Variants in PABPC4 observed in about 807,000 individuals in gnomAD.
PABPC4 encodes polyadenylate-binding protein 4.
In PABPC4, 15 loss-of-function variants were observed where a neutral mutation model predicts 74.5. The ratio of observed to expected loss-of-function variants is 0.20; its 90% CI spans 0.13 to 0.31. PABPC4 has a LOEUF of 0.31. PABPC4 is among the 10% of genes least tolerant of loss of function. The pLI is 1.00. For missense variants in PABPC4, 610 were observed against 853.5 expected (o/e 0.71, Z 3.55); for synonymous variants, 345 against 303.0 (o/e 1.14, Z -1.44).
intron 6 of PABPC4, 76 bp from the exon 7 acceptor site, chr1:39,567,922 G>C: frequency 1.2e-6 from 1 of 802,944 alleles, no homozygotes; most frequent in South Asian, 1.6e-5. Flanking sequence ...CCCAAGGGTG[G>C]CCCCAGACCA....
At position 39,564,536 on chromosome 1, in the gene PABPC4, T is replaced by G; in HGVS notation, c.1340A>C (p.Gln447Pro). The change falls in exon 10 of 16, where the codon CAA becomes CCA. Residue 447 changes from glutamine to proline, a missense_variant. Around this residue, in one of 4 missense-constraint regions of PABPC4, gnomAD observed 277 missense variants for 301.8 expected, o/e 0.92. Transcript: ENST00000372858. ...CTGGCGTATAGCACTTGGCATTCCT[T>G]GGAAGCCTGGTGAAGAGAAAAATTG... ...WQQGGRPQGF[Q>P]GMPSAIRQSG... 1 of 1,614,142 alleles carries G rather than the reference T, an allele frequency of 6.2e-7. No individual in the cohort carries two copies. The highest frequency in any genetic ancestry group is 8.5e-7 in the Non-Finnish European group (1 of 1,179,984).
chr1:39,563,511 A>G (rs1400534119), intron 12 of PABPC4, 103 bp downstream of exon 12: 2 of 1,377,144 alleles, frequency 1.5e-6, no homozygotes, highest in Non-Finnish European at 2.0e-6. Flanking sequence ...CATAACACAG[A>G]GCAGGCATTT....
Position 39,563,698 on chromosome 1 carries a change from A to C in PABPC4, c.1584T>G (p.Val528=), listed in dbSNP as rs758267716. 6.2e-7 allele frequency: 1 copy of C among 1,614,168 alleles called. No homozygotes were observed. Among genetic ancestry groups the C allele is most frequent in the African/African-American group, 1.3e-5 (1 of 74,958 alleles). The change falls in exon 12 of 16, where the codon GTT becomes GTG. Residue 528 remains valine (V), a synonymous_variant. Coordinates refer to ENST00000372858, the MANE Select transcript of PABPC4 (RefSeq NM_001135653.2). ...AVQNLAPRAA[V]AAAAPRAVAP... is the part of the protein sequence containing the mutation. The stretch of plus-strand genomic sequence containing the variant: ...CAACAGCCCGGGGAGCAGCAGCAGC[A>C]ACAGCAGCGCGTGGCGCTAAGTTCT...
chr1:39,568,667 A>C, intron 6 of PABPC4, 135 bp downstream of exon 6: 1 of 795,708 alleles, frequency 1.3e-6, no homozygotes, highest in Non-Finnish European at 2.1e-6. Flanking sequence ...TATCCTTTTA[A>C]ACCTCATCTT....
Position 39,562,425 on chromosome 1 carries a change from C to G in PABPC4, c.1669-9G>C. ...ACCGCAGGCTGGGGTGCCTGGGAACCAGGAAAGGCAGTGGGTTAGCACTGA... is the reference window on the plus strand; with the variant it reads ...ACCGCAGGCTGGGGTGCCTGGGAACGAGGAAAGGCAGTGGGTTAGCACTGA... On this transcript the variant is annotated splice_polypyrimidine_tract_variant and intron_variant, in intron 12 of 15. Coordinates refer to ENST00000372858, the MANE Select transcript of PABPC4 (RefSeq NM_001135653.2). 22 of 1,609,556 alleles carry G rather than the reference C, an allele frequency of 1.4e-5. No homozygotes were observed. Among genetic ancestry groups the G allele is most frequent in the Non-Finnish European group, 1.9e-5 (22 of 1,176,706 alleles).
intron 11 of PABPC4, 42 bp downstream of exon 11, chr1:39,563,794 T>A (rs775931659): frequency 1.2e-6 from 2 of 1,613,904 alleles, no homozygotes; most frequent in Non-Finnish European, 1.7e-6. Context: ...CAAAGACCCG[T>A]CAAATCCCAT....
chr1:39,561,448 G>A, intron 15 of PABPC4: 1 of 498,836 alleles, frequency 2.0e-6, no homozygotes, highest in Non-Finnish European at 3.7e-6. Flanking sequence ...TTCCCTATCT[G>A]GAGACACCTA....
At position 39,571,286 on chromosome 1, in the gene PABPC4, C is replaced by A. The variant is rs749695971; in HGVS notation, c.451G>T (p.Ala151Ser). ...TTCATCTTCTCGATGGCCTTGTCGGCAGCCTCTTGGGTCTCGAAGTGGACA... is the reference window on the plus strand; with the variant it reads ...TTCATCTTCTCGATGGCCTTGTCGGAAGCCTCTTGGGTCTCGAAGTGGACA... ...AFVHFETQEA[A>S]DKAIEKMNGM... The change falls in exon 3 of 16, where the codon GCC (alanine) becomes TCC (serine). Residue 151 changes from alanine to serine, a missense_variant. Ala to Ser is a moderately conservative substitution (Grantham distance 99). Coordinates refer to ENST00000372858, the MANE Select transcript of PABPC4 (RefSeq NM_001135653.2). 1 of 1,614,228 alleles carries A rather than the reference C, an allele frequency of 6.2e-7. No homozygotes were observed. Among genetic ancestry groups the A allele is most frequent in the South Asian group, 1.1e-5 (1 of 91,086 alleles).
chr1:39,566,800 C>T (rs900737297), intron 7 of PABPC4, among the ~76,000 whole-genome samples: 2 of 152,134 alleles, frequency 1.3e-5, no homozygotes, highest in Non-Finnish European at 2.9e-5. Context: ...AAGATCACTC[C>T]TTACACTGAT....
Position 39,562,412 on chromosome 1 carries a change from G to A in PABPC4, c.1673C>T (p.Pro558Leu), listed in dbSNP as rs1240644732. 1.2e-6 allele frequency: 2 copies of A among 1,612,946 alleles called. No individual in the cohort carries two copies. The highest frequency in any genetic ancestry group is 1.7e-6 in the Non-Finnish European group (2 of 1,179,544). The change falls in exon 13 of 16, where the codon CCC becomes CTC. Residue 558 changes from proline to leucine, a missense_variant. Around this residue, in one of 4 missense-constraint regions of PABPC4, gnomAD observed 277 missense variants for 301.8 expected, o/e 0.92. Transcript: ENST00000372858. ...CCCCTGCACATGGACCGCAGGCTGG[G>A]GTGCCTGGGAACCAGGAAAGGCAGT... ...PHPAIQPLQA[P>L]QPAVHVQGQE...
chr1:39,573,896 T>A (rs945705065), intron 1 of PABPC4, among the ~76,000 whole-genome samples: 1 of 152,122 alleles, frequency 6.6e-6, no homozygotes, highest in Non-Finnish European at 1.5e-5. Context: ...TCATCACTAA[T>A]CGCAACAAGG....
At chr1:39,562,827 G>C (rs1332696525) in intron 12 of PABPC4, 2 of 161,764 alleles carry the variant, frequency 1.2e-5, no homozygotes, top group African/African-American at 4.8e-5. Context: ...TCTCAGTGCA[G>C]ATTGGATCAA....
chr1:39,561,989 T>A, intron 14 of PABPC4, 84 bp downstream of exon 14: 3 of 1,497,118 alleles, frequency 2.0e-6, no homozygotes, highest in Non-Finnish European at 2.7e-6. Context: ...CAGATCCCAC[T>A]TTCTGCTGCA....
chr1:39,563,641 G>T lies in PABPC4; in HGVS notation c.1641C>A (p.Ser547Arg). Residue 547 changes from serine (S) to arginine (R), a missense_variant, in exon 12 of 16, where the codon AGC (serine) becomes AGA (arginine). This residue lies in a region of PABPC4 where 277 missense variants were observed against 301.8 expected (regional missense o/e 0.92). Coordinates refer to ENST00000372858, the MANE Select transcript of PABPC4 (RefSeq NM_001135653.2). The stretch of plus-strand genomic sequence containing the variant: ...GCAGAGGCTGTATGGCAGGATGAGG[G>T]CTGCGGACACTGGAGGCGTATTTGT... Reference protein sequence around the residue: ...APYKYASSVRSPHPAIQPLQA... With the variant: ...APYKYASSVRRPHPAIQPLQA... 1 of 1,614,206 alleles carries T rather than the reference G, an allele frequency of 6.2e-7. No homozygotes were observed. The highest frequency in any genetic ancestry group is 1.1e-5 in the South Asian group (1 of 91,086).
At chr1:39,571,472 C>G in intron 2 of PABPC4, 123 bp from the exon 3 acceptor site, 1 of 1,127,132 alleles carries the variant, frequency 8.9e-7, no homozygotes, top group Non-Finnish European at 1.3e-6. Context: ...TCAAGTACAC[C>G]AGTATAATTT....
At chr1:39,574,219 A>G (rs539957985) in intron 1 of PABPC4, among the ~76,000 whole-genome samples, 2 of 152,240 alleles carry the variant, frequency 1.3e-5, no homozygotes, top group Non-Finnish European at 2.9e-5. Flanking sequence ...GACAAGACCG[A>G]TCCAAGTCAG....
At position 39,563,866 on chromosome 1, in the gene PABPC4, G is replaced by A; in HGVS notation, c.1510C>T (p.Gln504Ter). Reference sequence around the variant, plus strand: ...GACTGGCAGCTGTCAGTCAGCCCTTGCTGGGCGGCACCAGCCCCACCAAAG... The same window carrying A: ...GACTGGCAGCTGTCAGTCAGCCCTTACTGGGCGGCACCAGCCCCACCAAAG... Reference protein sequence around the residue: ...MDFGGAGAAQQGLTDSCQSGG... With the variant: ...MDFGGAGAAQ Residue 504 changes from glutamine to a stop codon, truncating the protein, a stop_gained, in exon 11 of 16, where the codon CAA becomes TAA. Coordinates refer to ENST00000372858, the MANE Select transcript of PABPC4 (RefSeq NM_001135653.2). LOFTEE classifies it high-confidence loss of function. The A allele has an allele frequency of 5.0e-6, 8 of 1,614,218 alleles. No homozygotes were observed. Among genetic ancestry groups the A allele is most frequent in the Non-Finnish European group, 6.8e-6 (8 of 1,180,032 alleles).
chr1:39,563,683 G>GGGAGCAGCA lies in PABPC4; in HGVS notation c.1590_1598dup (p.Ala531_Pro533dup). ...CGTATTTGTAGGGGGCAACAGCCCGGGGAGCAGCAGCAGCAACAGCAGCGC... is the reference window on the plus strand; with the variant it reads ...CGTATTTGTAGGGGGCAACAGCCCGGGGAGCAGCAGGAGCAGCAGCAGCAACAGCAGCGC... On this transcript the variant is annotated inframe_insertion, in exon 12 of 16. Transcript: ENST00000372858. 1 of 1,614,240 alleles carries GGGAGCAGCA rather than the reference G, an allele frequency of 6.2e-7. No individual in the cohort carries two copies. Among genetic ancestry groups the GGGAGCAGCA allele is most frequent in the Non-Finnish European group, 8.5e-7 (1 of 1,180,032 alleles).
intron 1 of PABPC4, among the ~76,000 whole-genome samples, chr1:39,574,588 G>A (rs1395587385): frequency 6.6e-6 from 1 of 152,236 alleles, no homozygotes; most frequent in African/African-American, 2.4e-5. Context: ...TATGGCCATG[G>A]ACAGAACTCA....
Sources: allele counts gnomAD v4.1 joint callset (sites outside exome capture counted in the v4.1 genomes callset), GRCh38; gene constraint gnomAD v4.1.1; regional missense constraint gnomAD v4.1.1; transcripts MANE v1.5; gene names NCBI Gene and HGNC (gene_info 2026-07-23, HGNC 2026-07-21).